PPP1R1C: variants seen among roughly 807,000 people sequenced by gnomAD.
PPP1R1C encodes the protein protein phosphatase 1 regulatory inhibitor subunit 1C.
A neutral mutation model predicts 17.4 loss-of-function variants in PPP1R1C; 15 were observed. The ratio of observed to expected loss-of-function variants is 0.86; its 90% CI spans 0.58 to 1.33. The LOEUF is 1.33. PPP1R1C is among the 40% of genes most tolerant of loss of function. The pLI, the probability that PPP1R1C is intolerant of heterozygous loss-of-function variation, is 0.00. For missense variants in PPP1R1C, 143 were observed against 130.0 expected (o/e 1.10, Z -0.48); for synonymous variants, 35 against 43.1 (o/e 0.81, Z 0.73).
Position 182,035,916 on chromosome 2 carries a change from A to T in PPP1R1C, c.143-25526A>T, listed in dbSNP as rs1454282071. On this transcript the variant is annotated intron_variant, in intron 2 of 4. Transcript: ENST00000682840. ...AGGGGAAAAAGCTTAATTGTTTCTG[A>T]CTAATCCTAGAATGATTATACTATA... 2.0e-5 allele frequency among the ~76,000 whole-genome samples: 3 copies of T among 152,174 alleles called. No individual in the cohort carries two copies. The East Asian group carries it at 5.8e-4, about 29-fold the overall frequency.
chr2:182,122,449 T>G (rs560428855), downstream of PPP1R1C, among the ~76,000 whole-genome samples: 55 of 152,246 alleles, frequency 3.6e-4, no homozygotes, highest in African/African-American at 1.3e-3. Context: ...AAGTTTAAAG[T>G]GTGAGTATAT....
intron 2 of PPP1R1C, among the ~76,000 whole-genome samples, chr2:181,988,494 G>A (rs1370677195): frequency 6.6e-6 from 1 of 152,190 alleles, no homozygotes; most frequent in Non-Finnish European, 1.5e-5. Flanking sequence ...TATTATTCCG[G>A]ATAAAAGACT....
chr2:182,038,290 C>T (rs920365709), intron 2 of PPP1R1C, among the ~76,000 whole-genome samples: 2 of 152,072 alleles, frequency 1.3e-5, no homozygotes, highest in East Asian at 1.9e-4. Flanking sequence ...CTGCCCGCCT[C>T]GGCCTCCCAA....
chr2:182,059,654 A>C (rs1171298733), intron 2 of PPP1R1C, among the ~76,000 whole-genome samples: 2 of 152,106 alleles, frequency 1.3e-5, no homozygotes, highest in Non-Finnish European at 2.9e-5. Context: ...CAAGAATATA[A>C]GACTGAATTT....
chr2:181,995,067 G>A (rs1308926460), intron 2 of PPP1R1C, among the ~76,000 whole-genome samples: 2 of 152,128 alleles, frequency 1.3e-5, no homozygotes, highest in Non-Finnish European at 2.9e-5. Context: ...GATAAAACAG[G>A]TAAATTAATT....
chr2:182,020,244 T>C (rs1178044906), intron 2 of PPP1R1C, among the ~76,000 whole-genome samples: 2 of 152,230 alleles, frequency 1.3e-5, no homozygotes, highest in Admixed American at 6.5e-5. Context: ...AGATCTGAGG[T>C]AAACAGATTA....
At chr2:182,029,082 C>A (rs1686723427) in intron 2 of PPP1R1C, among the ~76,000 whole-genome samples, 1 of 142,596 alleles carries the variant, frequency 7.0e-6, no homozygotes. Flanking sequence ...TTCCTCCATC[C>A]TTTTATTTTG....
chr2:182,060,150 G>T (rs1687808816), intron 2 of PPP1R1C, among the ~76,000 whole-genome samples: 1 of 151,934 alleles, frequency 6.6e-6, no homozygotes, highest in Non-Finnish European at 1.5e-5. Flanking sequence ...TAAACTGTCT[G>T]TCCTCCCTTA....
intron 4 of PPP1R1C, among the ~76,000 whole-genome samples, chr2:182,083,230 G>C (rs765898610): frequency 2.0e-5 from 3 of 152,194 alleles, no homozygotes; most frequent in Non-Finnish European, 4.4e-5. Context: ...TAATTAGGTT[G>C]AAAGTGAATT....
At chr2:182,113,572 A>G (rs1480268825) in intron 4 of PPP1R1C, among the ~76,000 whole-genome samples, 1 of 152,002 alleles carries the variant, frequency 6.6e-6, no homozygotes, top group African/African-American at 2.4e-5. Context: ...TACCACCAAC[A>G]CTGCCAGGAG....
At chr2:182,061,353 A>AT in intron 2 of PPP1R1C, 89 bp from the exon 3 acceptor site, 1 of 931,850 alleles carries the variant, frequency 1.1e-6, no homozygotes, top group Non-Finnish European at 1.6e-6. Context: ...TTATTAAATC[A>AT]TTTTTATCCG....
intron 2 of PPP1R1C, among the ~76,000 whole-genome samples, chr2:181,991,593 G>A (rs1186708288): frequency 6.6e-6 from 1 of 152,148 alleles, no homozygotes; most frequent in Non-Finnish European, 1.5e-5. Flanking sequence ...CAACAGTCAG[G>A]TGGCAGCAAA....
intron 2 of PPP1R1C, among the ~76,000 whole-genome samples, chr2:182,047,819 G>A (rs1261302055): frequency 6.6e-6 from 1 of 152,154 alleles, no homozygotes; most frequent in Non-Finnish European, 1.5e-5. Flanking sequence ...GCTTGGAAGT[G>A]GCAGCAGAAA....
chr2:182,037,958 G>A (rs140568580), intron 2 of PPP1R1C, among the ~76,000 whole-genome samples: 2,834 of 152,048 alleles, frequency 0.019, 74 homozygotes, highest in African/African-American at 0.065. Flanking sequence ...TCTCCTGATA[G>A]CTCTATATTT....
chr2:182,128,603 G>C (rs1445149323), intron 5 of PPP1R1C, among the ~76,000 whole-genome samples: 1 of 151,724 alleles, frequency 6.6e-6, no homozygotes, highest in Non-Finnish European at 1.5e-5. Context: ...AAAATTGCTT[G>C]AGTTAGAAAT....
intron 4 of PPP1R1C, among the ~76,000 whole-genome samples, chr2:182,074,531 T>C (rs1202720811): frequency 6.6e-6 from 1 of 152,204 alleles, no homozygotes; most frequent in East Asian, 1.9e-4. Flanking sequence ...AATAGATCAA[T>C]TGAAATCCTT....
intron 4 of PPP1R1C, among the ~76,000 whole-genome samples, chr2:182,069,344 T>A (rs1688076968): frequency 6.6e-6 from 1 of 152,152 alleles, no homozygotes; most frequent in African/African-American, 2.4e-5. Context: ...CTTTAATTTC[T>A]TCCACTGAGT....
At chr2:182,057,087 A>G (rs1173669292) in intron 2 of PPP1R1C, among the ~76,000 whole-genome samples, 1 of 152,240 alleles carries the variant, frequency 6.6e-6, no homozygotes. Context: ...GCAGAGAAGC[A>G]GCAAACAGAT....
upstream of PPP1R1C, among the ~76,000 whole-genome samples, chr2:181,983,737 A>G (rs1574351478): frequency 5.3e-5 from 8 of 152,224 alleles, no homozygotes; most frequent in Admixed American, 5.2e-4. Context: ...TAAACATTCA[A>G]AAGACATGTA....
Sources: allele counts gnomAD v4.1 joint callset (sites outside exome capture counted in the v4.1 genomes callset), GRCh38; gene constraint gnomAD v4.1.1; transcripts MANE v1.5; gene names NCBI Gene and HGNC (gene_info 2026-07-23, HGNC 2026-07-21).